BCR: variants seen among roughly 807,000 people sequenced by gnomAD.
BCR encodes the protein breakpoint cluster region protein.
A neutral mutation model predicts 138.6 loss-of-function variants in BCR; 58 were observed. That is an observed-to-expected ratio of 0.42 (90% CI 0.34 to 0.52). The LOEUF is 0.52. Ranked by LOEUF, BCR falls within the 20% of genes least tolerant of loss-of-function variation. The probability of loss-of-function intolerance (pLI) is 0.06; values close to 1 mark genes in which losing one functional copy is unlikely to be tolerated. For missense variants in BCR, 1,599 were observed against 1,727.2 expected, an observed-to-expected ratio of 0.93 and a Z score of 1.32; for synonymous variants, 786 against 730.1, an observed-to-expected ratio of 1.08 and a Z score of -1.23.
Position 23,290,416 on chromosome 22 carries a change from A to G in BCR, c.2782+3A>G. 1 of 1,613,722 alleles carries G rather than the reference A, an allele frequency of 6.2e-7. No homozygotes were observed. The highest frequency in any genetic ancestry group is 8.5e-7 in the Non-Finnish European group (1 of 1,179,640). ...CACTGGATTTAAGCAGAGTTCAAGTAAGTACTGGTTTGGGGAGGAGGGTTG... is the reference window on the plus strand; with the variant it reads ...CACTGGATTTAAGCAGAGTTCAAGTGAGTACTGGTTTGGGGAGGAGGGTTG... On this transcript the variant is annotated splice_donor_region_variant and intron_variant, in intron 14 of 22. Transcript: ENST00000305877.
intron 4 of BCR, among the ~76,000 whole-genome samples, chr22:23,266,492 C>T (rs746931352): frequency 3.3e-5 from 5 of 152,098 alleles, no homozygotes; most frequent in Middle Eastern, 3.2e-3. Flanking sequence ...CAGGTTCAAG[C>T]GATTCTCCTG....
intron 1 of BCR, among the ~76,000 whole-genome samples, chr22:23,222,888 T>C: frequency 6.6e-6 from 1 of 152,128 alleles, no homozygotes; most frequent in East Asian, 1.9e-4. Flanking sequence ...CTGGGCTGTT[T>C]ATAAACAAGA....
chr22:23,202,830 A>G (rs1311773704), intron 1 of BCR, among the ~76,000 whole-genome samples: 1 of 148,636 alleles, frequency 6.7e-6, no homozygotes, highest in Non-Finnish European at 1.5e-5. Context: ...GTTCAGTGGC[A>G]TTAATTACAT....
intron 1 of BCR, among the ~76,000 whole-genome samples, chr22:23,186,612 T>C (rs1289153382): frequency 6.6e-6 from 1 of 152,224 alleles, no homozygotes; most frequent in African/African-American, 2.4e-5. Context: ...TCAGCTATTA[T>C]AGATACCTCA....
At chr22:23,261,199 G>A in intron 3 of BCR, 145 bp downstream of exon 3, 1 of 1,225,776 alleles carries the variant, frequency 8.2e-7, no homozygotes, top group African/African-American at 1.5e-5. Flanking sequence ...GGAAGACTGA[G>A]TTGCCAAACC....
chr22:23,261,084 C>A (rs776136533), intron 3 of BCR, 30 bp downstream of exon 3: 1 of 1,590,340 alleles, frequency 6.3e-7, no homozygotes, highest in Admixed American at 1.7e-5. Context: ...CTGAGCAGGG[C>A]GGGATGGGGC....
At chr22:23,187,499 CTTTTT>C (rs1555959911) in intron 1 of BCR, among the ~76,000 whole-genome samples, 1 of 140,656 alleles carries the variant, frequency 7.1e-6, no homozygotes, top group Admixed American at 7.1e-5. Context: ...CTCTCTCTCT[CTTTTT>C]TTTTTTTTTA....
chr22:23,223,818 G>C (rs548194245), intron 1 of BCR, among the ~76,000 whole-genome samples: 3 of 152,306 alleles, frequency 2.0e-5, no homozygotes, highest in Admixed American at 6.5e-5. Flanking sequence ...GGGGGGCTTT[G>C]ATTGCTGTCC....
intron 8 of BCR, among the ~76,000 whole-genome samples, chr22:23,281,559 G>A (rs1484217695): frequency 6.6e-6 from 1 of 152,210 alleles, no homozygotes; most frequent in Non-Finnish European, 1.5e-5. Flanking sequence ...GGTGCTGTGT[G>A]GGCTGGGAGG....
intron 1 of BCR, among the ~76,000 whole-genome samples, chr22:23,226,302 G>C (rs915626210): frequency 8.7e-6 from 1 of 115,064 alleles, no homozygotes; most frequent in South Asian, 3.2e-4. Context: ...GGCATTAAGT[G>C]TATGAGAGAG....
At chr22:23,299,137 C>T (rs2073877049) in intron 16 of BCR, among the ~76,000 whole-genome samples, 1 of 145,732 alleles carries the variant, frequency 6.9e-6, no homozygotes, top group South Asian at 2.3e-4. Context: ...GCCGGGACTA[C>T]AGGCGCCCGC....
chr22:23,194,163 C>T (rs2072449347), intron 1 of BCR, among the ~76,000 whole-genome samples: 2 of 152,236 alleles, frequency 1.3e-5, no homozygotes, highest in Admixed American at 6.5e-5. Flanking sequence ...TTGCCCACAT[C>T]TTAGAGTGAT....
intron 1 of BCR, among the ~76,000 whole-genome samples, chr22:23,241,331 TC>T (rs917279668): frequency 5.9e-5 from 9 of 151,936 alleles, no homozygotes; most frequent in African/African-American, 1.9e-4. Flanking sequence ...TTCCTGCCAT[TC>T]CCCCCCGACC....
At chr22:23,209,867 C>T (rs1001317780) in intron 1 of BCR, among the ~76,000 whole-genome samples, 2 of 152,170 alleles carry the variant, frequency 1.3e-5, no homozygotes, top group Non-Finnish European at 2.9e-5. Context: ...TGGCCTCAGG[C>T]CATCCTCCTG....
intron 1 of BCR, among the ~76,000 whole-genome samples, chr22:23,232,980 G>A (rs1460064071): frequency 2.0e-5 from 3 of 152,186 alleles, no homozygotes; most frequent in East Asian, 3.9e-4. Context: ...GTGGGGGATC[G>A]CATTGAGGGA....
At chr22:23,249,294 T>C (rs1199964240) in intron 1 of BCR, among the ~76,000 whole-genome samples, 4 of 151,774 alleles carry the variant, frequency 2.6e-5, no homozygotes, top group South Asian at 4.2e-4. Flanking sequence ...TAGCCAGGCG[T>C]GGTGGCGCAC....
intron 1 of BCR, among the ~76,000 whole-genome samples, chr22:23,234,383 A>G (rs2072999020): frequency 6.6e-6 from 1 of 152,174 alleles, no homozygotes; most frequent in South Asian, 2.1e-4. Flanking sequence ...TACAGAACCC[A>G]TGGTCCCTGG....
chr22:23,268,295 G>T, intron 4 of BCR, 113 bp from the exon 5 acceptor site: 1 of 803,726 alleles, frequency 1.2e-6, no homozygotes. Flanking sequence ...TGCAGCCTGT[G>T]TGCCGTCTGC....
At chr22:23,246,577 G>A (rs961367972) in intron 1 of BCR, among the ~76,000 whole-genome samples, 3 of 152,304 alleles carry the variant, frequency 2.0e-5, no homozygotes, top group African/African-American at 7.2e-5. Context: ...TGGAATGAAA[G>A]TTGACCCAGC....
Sources: allele counts gnomAD v4.1 joint callset (sites outside exome capture counted in the v4.1 genomes callset), GRCh38; gene constraint gnomAD v4.1.1; transcripts MANE v1.5; gene names NCBI Gene and HGNC (gene_info 2026-07-23, HGNC 2026-07-21).